Variants in NARS2 observed in about 807,000 individuals in gnomAD.
NARS2 encodes the protein asparaginyl-tRNA synthetase.
A neutral mutation model predicts 62.9 loss-of-function variants in NARS2; 60 were observed. The observed-to-expected ratio is 0.95, with a 90% CI of 0.77 to 1.18. NARS2 has a LOEUF of 1.18. NARS2 is among the 50% of genes most tolerant of loss of function. The probability of loss-of-function intolerance (pLI) is 0.00; values close to 1 mark genes in which losing one functional copy is unlikely to be tolerated. For synonymous variants in NARS2, 196 were observed against 200.0 expected, an observed-to-expected ratio of 0.98 and a Z score of 0.17; for missense variants, 619 against 576.4, an observed-to-expected ratio of 1.07 and a Z score of -0.76.
chr11:78,536,280 T>C (rs1855339974), intron 5 of NARS2, among the ~76,000 whole-genome samples: 1 of 152,210 alleles, frequency 6.6e-6, no homozygotes, highest in Admixed American at 6.5e-5. Flanking sequence ...TTATCATTAC[T>C]TTAGAGTGTA....
At chr11:78,566,308 A>G in intron 3 of NARS2, 36 bp from the exon 4 acceptor site, 1 of 1,529,554 alleles carries the variant, frequency 6.5e-7, no homozygotes, top group Non-Finnish European at 8.9e-7. Flanking sequence ...TAGAAGTCAA[A>G]AGAGATACTG....
chr11:78,453,955 G>A (rs1858061548), intron 11 of NARS2, among the ~76,000 whole-genome samples: 1 of 152,174 alleles, frequency 6.6e-6, no homozygotes, highest in Non-Finnish European at 1.5e-5. Context: ...GGCTTCAAAG[G>A]AATGAAATTC....
chr11:78,514,798 A>G (rs1860844275), intron 6 of NARS2, among the ~76,000 whole-genome samples: 1 of 152,224 alleles, frequency 6.6e-6, no homozygotes, highest in Non-Finnish European at 1.5e-5. Flanking sequence ...CAGACACTGC[A>G]GAGTTAGCAC....
Position 78,461,580 on chromosome 11 carries a change from T to G in NARS2, c.1164+4296A>C, listed in dbSNP as rs952484899. Among the ~76,000 whole-genome samples the G allele has an allele frequency of 2.1e-3, 238 of 115,666 alleles. 2 individuals are homozygous for G. The highest frequency in any genetic ancestry group is 7.9e-3 in the African/African-American group (228 of 28,776). 75.9% of individuals were successfully genotyped at this position (115,666 alleles called of 152,430 possible). A position where few individuals can be genotyped will look rare whatever the true frequency, so the allele number is the denominator to read the frequency against. ...ACTACAAAGAAGTAGGAGTATAGAA[T>G]GAGTGGGAGATGCTGTGCTGGTAAA... On this transcript the variant is annotated intron_variant, in intron 11 of 13. Coordinates refer to ENST00000281038, the MANE Select transcript of NARS2 (RefSeq NM_024678.6).
At chr11:78,494,451 T>C (rs1028963411) in intron 6 of NARS2, among the ~76,000 whole-genome samples, 2 of 145,018 alleles carry the variant, frequency 1.4e-5, no homozygotes, top group Non-Finnish European at 3.0e-5. Context: ...TTTGTATATA[T>C]ATAAGTTTTT....
At chr11:78,502,201 T>C (rs1390554845) in intron 6 of NARS2, among the ~76,000 whole-genome samples, 1 of 152,036 alleles carries the variant, frequency 6.6e-6, no homozygotes, top group Non-Finnish European at 1.5e-5. Context: ...TTTACATGAG[T>C]TGTTATAACA....
intron 5 of NARS2, among the ~76,000 whole-genome samples, chr11:78,533,951 T>C (rs1410903451): frequency 1.3e-5 from 2 of 152,218 alleles, no homozygotes; most frequent in African/African-American, 4.8e-5. Flanking sequence ...GCATTTAAAG[T>C]TTCTCCAGGT....
chr11:78,503,362 C>T (rs1044597696), intron 6 of NARS2, among the ~76,000 whole-genome samples: 2 of 152,092 alleles, frequency 1.3e-5, no homozygotes, highest in East Asian at 1.9e-4. Flanking sequence ...CTCAGCCTCC[C>T]GAATAGCAGG....
At chr11:78,542,052 T>C (rs1046563275) in intron 5 of NARS2, among the ~76,000 whole-genome samples, 2 of 152,246 alleles carry the variant, frequency 1.3e-5, no homozygotes, top group East Asian at 1.9e-4. Context: ...CAAATGTGTA[T>C]CTTGGTGTAC....
chr11:78,553,835 T>G (rs1038636667), intron 5 of NARS2, among the ~76,000 whole-genome samples: 1 of 152,234 alleles, frequency 6.6e-6, no homozygotes, highest in African/African-American at 2.4e-5. Context: ...AGGATGGTAT[T>G]GCCTAGGTTG....
intron 2 of NARS2, 25 bp from the exon 3 acceptor site, chr11:78,568,777 A>G (rs1448069140): frequency 5.2e-6 from 8 of 1,541,908 alleles, no homozygotes; most frequent in African/African-American, 2.8e-5. Context: ...AACAAGATAA[A>G]CAAGATATCA....
intron 6 of NARS2, among the ~76,000 whole-genome samples, chr11:78,505,530 A>C (rs1472913073): frequency 6.6e-6 from 1 of 152,122 alleles, no homozygotes; most frequent in East Asian, 1.9e-4. Context: ...GAAGTAATTC[A>C]AGCTCACAGG....
chr11:78,467,865 C>T (rs1165697016), intron 10 of NARS2, among the ~76,000 whole-genome samples: 3 of 151,706 alleles, frequency 2.0e-5, no homozygotes, highest in Admixed American at 1.3e-4. Context: ...TGTTGTTCTT[C>T]GAGACAAGGT....
At chr11:78,531,179 A>G (rs1165476756) in intron 5 of NARS2, among the ~76,000 whole-genome samples, 3 of 152,176 alleles carry the variant, frequency 2.0e-5, no homozygotes, top group Non-Finnish European at 4.4e-5. Context: ...GGAACTCTCG[A>G]AGAGAGTTAA....
At chr11:78,441,017 T>G in intron 13 of NARS2, 74 bp downstream of exon 13, 1 of 1,351,822 alleles carries the variant, frequency 7.4e-7, no homozygotes, top group East Asian at 2.3e-5. Flanking sequence ...GTCTTGGGGA[T>G]ACAAGTAAAA....
chr11:78,568,246 A>G (rs1856807208), intron 3 of NARS2, among the ~76,000 whole-genome samples: 1 of 152,212 alleles, frequency 6.6e-6, no homozygotes, highest in African/African-American at 2.4e-5. Context: ...AATGAATTTT[A>G]ATGGATTTAA....
At position 78,507,705 on chromosome 11, in the gene NARS2, G is replaced by A. The variant is rs1860558218; in HGVS notation, c.690-14510C>T. Among the ~76,000 whole-genome samples, 4 of 152,088 alleles carry A rather than the reference G, an allele frequency of 2.6e-5. No homozygotes were observed. In the South Asian group the frequency reaches 8.3e-4, roughly 32 times the overall value. The stretch of plus-strand genomic sequence containing the variant: ...TGGCTAATTTTTTGTATTTTTAATA[G>A]AGACAGGGTTTCACCATGTTAACCA... On this transcript the variant is annotated intron_variant, in intron 6 of 13. Transcript: ENST00000281038.
chr11:78,470,581 C>CATA (rs1457034974), intron 9 of NARS2, among the ~76,000 whole-genome samples: 1 of 152,126 alleles, frequency 6.6e-6, no homozygotes, highest in Non-Finnish European at 1.5e-5. Context: ...TTTTGTATTA[C>CATA]ATAATATTCT....
rs550751384 is a variant in NARS2, at chr11:78,502,991, C to CAAAAAAAAAAAAAAA, written c.690-9811_690-9797dup. Among the ~76,000 whole-genome samples, 6 of 82,950 alleles carry CAAAAAAAAAAAAAAA rather than the reference C, an allele frequency of 7.2e-5. 1 individual carries two copies. The highest frequency in any genetic ancestry group is 3.8e-4 in the African/African-American group (6 of 15,808). 54.4% of individuals were successfully genotyped at this position (82,950 alleles called of 152,430 possible). On this transcript the variant is annotated intron_variant, in intron 6 of 13. Transcript: ENST00000281038. ...CCTGGGTAACAGAGTGAGACTGTCT[C>CAAAAAAAAAAAAAAA]AAAAAAAAAAAAAAAAAAAGGTTGA...
Sources: gnomAD v4.1 joint callset for allele counts (sites outside exome capture counted in the v4.1 genomes callset) on GRCh38, gnomAD v4.1.1 for gene constraint, MANE v1.5 for transcripts, NCBI Gene and HGNC (gene_info 2026-07-23, HGNC 2026-07-21) for gene names.